GJA8: variants seen among roughly 807,000 people sequenced by gnomAD.
GJA8 encodes the protein gap junction protein alpha 8, also known as gap junction alpha-8 protein.
Under a neutral mutation model 15.3 loss-of-function variants are expected in GJA8, and 13 were observed. The ratio of observed to expected loss-of-function variants is 0.85; its 90% CI spans 0.55 to 1.35. The LOEUF (loss-of-function observed/expected upper bound fraction) is 1.35, where lower values mean the gene tolerates loss of function less well. GJA8 is among the 40% of genes most tolerant of loss of function. The pLI is 0.00. For synonymous variants in GJA8, 304 were observed against 238.7 expected, an observed-to-expected ratio of 1.27 and a Z score of -2.52; for missense variants, 607 against 553.3, an observed-to-expected ratio of 1.10 and a Z score of -0.97.
intron 1 of GJA8, among the ~76,000 whole-genome samples, chr1:147,904,088 G>A (rs376350383): frequency 1.0e-3 from 155 of 151,808 alleles, no homozygotes; most frequent in African/African-American, 3.5e-3. Context: ...CCCCACCACC[G>A]TGCCCAGCTA....
chr1:147,907,063 T>C (rs1225741478), intron 1 of GJA8, among the ~76,000 whole-genome samples: 1 of 151,944 alleles, frequency 6.6e-6, no homozygotes, highest in Non-Finnish European at 1.5e-5. Flanking sequence ...TTTTTAAAGT[T>C]TTTTGTAGAG....
downstream of GJA8, among the ~76,000 whole-genome samples, chr1:147,913,972 G>A (rs28401229): frequency 0.12 from 18,690 of 152,144 alleles, 1,521 homozygotes; most frequent in East Asian, 0.28. Flanking sequence ...ACTTGGGGAA[G>A]GGAGGAGAAA....
chr1:147,904,906 C>G (rs889729883), intron 1 of GJA8, among the ~76,000 whole-genome samples: 1 of 152,040 alleles, frequency 6.6e-6, no homozygotes. Context: ...AAGACATGGG[C>G]TTGTTTGGCT....
At chr1:147,912,912 A>AG (rs1320516890), downstream of GJA8, among the ~76,000 whole-genome samples, 1 of 149,752 alleles carries the variant, frequency 6.7e-6, no homozygotes, top group Admixed American at 6.6e-5. Context: ...AAAAAAAAAA[A>AG]AAAGAAAGAA....
At chr1:147,904,237 ACT>A (rs1286777865) in intron 1 of GJA8, among the ~76,000 whole-genome samples, 9 of 151,950 alleles carry the variant, frequency 5.9e-5, no homozygotes, top group Admixed American at 2.6e-4. Context: ...CCAGCCAATA[ACT>A]CTTATTTTTA....
chr1:147,912,137 G>A (rs1652186150), downstream of GJA8, among the ~76,000 whole-genome samples: 1 of 152,084 alleles, frequency 6.6e-6, no homozygotes, highest in South Asian at 2.1e-4. Flanking sequence ...AACTAAAGCT[G>A]GCATTTGCCA....
downstream of GJA8, among the ~76,000 whole-genome samples, chr1:147,910,653 C>A (rs1558012354): frequency 6.6e-6 from 1 of 152,158 alleles, no homozygotes; most frequent in Non-Finnish European, 1.5e-5. Context: ...CAGTGCTCAG[C>A]CTAAAATCTA....
chr1:147,911,732 A>G (rs1389498326), downstream of GJA8, among the ~76,000 whole-genome samples: 2 of 152,212 alleles, frequency 1.3e-5, no homozygotes, highest in African/African-American at 4.8e-5. Context: ...CATTTTAGGA[A>G]GAGCCTTATG....
downstream of GJA8, among the ~76,000 whole-genome samples, chr1:147,914,042 G>A (rs190687781): frequency 1.7e-4 from 26 of 152,260 alleles, no homozygotes; most frequent in Admixed American, 1.3e-3. Context: ...TTTTATGAAA[G>A]ACAGTTCACT....
downstream of GJA8, among the ~76,000 whole-genome samples, chr1:147,913,095 T>C (rs1389499939): frequency 1.3e-5 from 2 of 152,118 alleles, no homozygotes; most frequent in African/African-American, 4.8e-5. Flanking sequence ...ACTCTGGGTA[T>C]TCCAAGATGC....
downstream of GJA8, among the ~76,000 whole-genome samples, chr1:147,910,084 T>G (rs587712633): frequency 3.3e-4 from 50 of 152,306 alleles, no homozygotes; most frequent in Non-Finnish European, 5.1e-4. Flanking sequence ...GATCTCAAAC[T>G]CCTGGGTTCA....
In GJA8 at chr1:147,909,146, A is replaced by C. The variant is rs782470916; in HGVS notation, c.1191A>C (p.Pro397=). 2.4e-5 allele frequency: 39 copies of C among 1,613,942 alleles called. 1 individual carries two copies. The highest frequency in any genetic ancestry group is 3.1e-5 in the Non-Finnish European group (36 of 1,179,960). Residue 397 remains proline (P), a synonymous_variant, in exon 2 of 2, where the codon CCA becomes CCC. Coordinates refer to ENST00000369235, the MANE Select transcript of GJA8 (RefSeq NM_005267.5). ...QSEKVSKQGL[P]AEKTPSLCPE... ...AGAAGGTGTCAAAGCAAGGGCTGCC[A>C]GCTGAGAAGACACCTTCACTCTGTC...
In GJA8 at chr1:147,909,233, C is replaced by G. The variant is rs200773365; in HGVS notation, c.1278C>G (p.Ala426=). 1.3e-6 allele frequency: 2 copies of G among 1,534,688 alleles called. No individual in the cohort carries two copies. The highest frequency in any genetic ancestry group is 1.8e-6 in the Non-Finnish European group (2 of 1,122,648). The change falls in exon 2 of 2, where the codon GCC becomes GCG. Residue 426 remains alanine (A), a synonymous_variant. Transcript: ENST00000369235. ...GGCTAAGCAAAGCCAGCAGCCGAGC[C>G]AGGTCAGACGATCTAACCGTATGAA... ...LSRLSKASSR[A]RSDDLTV
chr1:147,913,559 C>T (rs782575644), downstream of GJA8, among the ~76,000 whole-genome samples: 6 of 152,252 alleles, frequency 3.9e-5, no homozygotes, highest in South Asian at 2.1e-4. Context: ...TCCATGGATA[C>T]GGAAAGAGCT....
intron 1 of GJA8, among the ~76,000 whole-genome samples, chr1:147,905,850 C>A (rs1345621194): frequency 6.6e-6 from 1 of 152,236 alleles, no homozygotes; most frequent in Admixed American, 6.5e-5. Flanking sequence ...GAACTCTTCC[C>A]AATGCCAGAC....
At position 147,908,755 on chromosome 1, in the gene GJA8, A is replaced by G; in HGVS notation, c.800A>G (p.Gln267Arg). ...VSSIQKAKGY[Q>R]LLEEEKIVSH... is the part of the protein sequence containing the mutation. ...TCCATCCAGAAAGCCAAGGGCTATCAGCTCCTAGAAGAAGAGAAAATCGTT... is the reference window on the plus strand; with the variant it reads ...TCCATCCAGAAAGCCAAGGGCTATCGGCTCCTAGAAGAAGAGAAAATCGTT... The change falls in exon 2 of 2, where the codon CAG becomes CGG. Residue 267 changes from glutamine (Q) to arginine (R), a missense_variant. Physicochemically the swap from Gln to Arg is conservative, Grantham distance 43. Transcript: ENST00000369235. The G allele has an allele frequency of 1.9e-6, 3 of 1,614,150 alleles. No individual in the cohort carries two copies. Among genetic ancestry groups the G allele is most frequent in the South Asian group, 1.1e-5 (1 of 91,092 alleles).
intron 1 of GJA8, among the ~76,000 whole-genome samples, chr1:147,903,890 G>A (rs1553241924): frequency 6.6e-6 from 1 of 151,340 alleles, no homozygotes; most frequent in East Asian, 1.9e-4. Flanking sequence ...TTTATGAAAT[G>A]ATGATGAAAA....
chr1:147,909,320 G>A (rs1651998651), downstream of GJA8: 1 of 1,206,668 alleles, frequency 8.3e-7, no homozygotes, highest in Non-Finnish European at 1.2e-6. Context: ...AAAGGAACAG[G>A]TGCCAACATG....
downstream of GJA8, among the ~76,000 whole-genome samples, chr1:147,911,623 G>A (rs1430254417): frequency 6.6e-6 from 1 of 152,066 alleles, no homozygotes; most frequent in African/African-American, 2.4e-5. Context: ...TCTCCTATAT[G>A]GTGAGAGAAT....
Sources: gnomAD v4.1 joint callset for allele counts (sites outside exome capture counted in the v4.1 genomes callset) on GRCh38, gnomAD v4.1.1 for gene constraint, MANE v1.5 for transcripts, NCBI Gene and HGNC (gene_info 2026-07-23, HGNC 2026-07-21) for gene names.